CAST: variants seen among roughly 807,000 people sequenced by gnomAD.
The protein encoded by CAST is calpastatin.
In CAST, 76 loss-of-function variants were observed where a neutral mutation model predicts 119.6. That is an observed-to-expected ratio of 0.64 (90% confidence interval 0.53 to 0.77). CAST has a LOEUF of 0.77. Among genes scored for constraint, CAST ranks in the 30% least tolerant of loss-of-function variants. The probability of loss-of-function intolerance (pLI) is 0.00; values close to 1 mark genes in which losing one functional copy is unlikely to be tolerated. For missense variants in CAST, 953 were observed against 946.5 expected, an observed-to-expected ratio of 1.01 and a Z score of -0.09; for synonymous variants, 319 against 331.6, an observed-to-expected ratio of 0.96 and a Z score of 0.41.
chr5:96,519,643 G>A, the CAST span, among the ~76,000 whole-genome samples: 1 of 152,126 alleles, frequency 6.6e-6, no homozygotes. Flanking sequence ...GTCTCACTCT[G>A]TTGTCCAGGC....
the CAST span, among the ~76,000 whole-genome samples, chr5:96,220,882 G>A: frequency 7.9e-5 from 12 of 152,136 alleles, 1 homozygote; most frequent in African/African-American, 1.4e-4. Flanking sequence ...CCAACATTCC[G>A]TGATGCCCTT....
the CAST span, among the ~76,000 whole-genome samples, chr5:96,362,817 G>A: frequency 1.3e-5 from 2 of 152,006 alleles, no homozygotes; most frequent in Non-Finnish European, 1.5e-5. Context: ...TTCTTTTGCT[G>A]TGCAGAAGCT....
chr5:96,738,178 TGGGC>T (rs1762018466), intron 11 of CAST, among the ~76,000 whole-genome samples: 1 of 152,000 alleles, frequency 6.6e-6, no homozygotes, highest in African/African-American at 2.4e-5. Context: ...AAAAATTAGC[TGGGC>T]ATGGTGGTAC....
intron 2 of CAST, among the ~76,000 whole-genome samples, chr5:96,686,288 G>A (rs1392467657): frequency 6.6e-6 from 1 of 151,864 alleles, no homozygotes; most frequent in Non-Finnish European, 1.5e-5. Context: ...TTCCATCTCT[G>A]CCTCTAACCC....
intron 1 of CAST, among the ~76,000 whole-genome samples, chr5:96,611,369 T>A (rs1360380715): frequency 6.6e-6 from 1 of 152,186 alleles, no homozygotes; most frequent in Non-Finnish European, 1.5e-5. Context: ...AAGGACACCC[T>A]GTTCGACAAA....
At chr5:96,129,771 A>T in the CAST span, among the ~76,000 whole-genome samples, 1 of 152,130 alleles carries the variant, frequency 6.6e-6, no homozygotes, top group African/African-American at 2.4e-5. Flanking sequence ...TAAAAACATG[A>T]AATCATTTAG....
At chr5:96,749,998 C>T (rs1047019584) in intron 19 of CAST, among the ~76,000 whole-genome samples, 15 of 152,048 alleles carry the variant, frequency 9.9e-5, no homozygotes, top group African/African-American at 3.4e-4. Flanking sequence ...TCTAAGAATC[C>T]GCATTTCTAG....
intron 1 of CAST, among the ~76,000 whole-genome samples, chr5:96,575,466 T>G (rs1746652309): frequency 1.3e-5 from 2 of 152,180 alleles, no homozygotes; most frequent in Admixed American, 1.3e-4. Context: ...TGAACATCCT[T>G]GCCTTGTTAC....
intron 1 of CAST, among the ~76,000 whole-genome samples, chr5:96,653,627 T>C (rs1479430778): frequency 2.0e-5 from 3 of 152,218 alleles, no homozygotes; most frequent in Non-Finnish European, 4.4e-5. Flanking sequence ...AGGTAAATCA[T>C]AGATGAAATA....
chr5:96,740,620 G>T (rs1169015927), intron 12 of CAST, 125 bp from the exon 13 acceptor site: 17 of 716,522 alleles, frequency 2.4e-5, no homozygotes, highest in Non-Finnish European at 4.0e-5. Context: ...AGGTACTGGG[G>T]TTAAGACTTG....
the CAST span, chr5:95,961,542 C>T: frequency 6.5e-7 from 1 of 1,544,188 alleles, no homozygotes; most frequent in African/African-American, 1.4e-5. Context: ...CGCTCTGCCT[C>T]TCTGAGCCCA....
chr5:96,195,448 T>C, the CAST span, among the ~76,000 whole-genome samples: 1 of 152,234 alleles, frequency 6.6e-6, no homozygotes, highest in Non-Finnish European at 1.5e-5. Context: ...TCTGTTAAGT[T>C]GTCTGTAGCC....
chr5:96,520,577 C>CTG (rs142864656), upstream of CAST, among the ~76,000 whole-genome samples: 2 of 148,464 alleles, frequency 1.3e-5, no homozygotes, highest in African/African-American at 2.4e-5. Flanking sequence ...GTGTGTGTGT[C>CTG]TGTGTGTGTG....
chr5:96,604,155 C>T (rs1289832288), intron 1 of CAST, among the ~76,000 whole-genome samples: 5 of 152,100 alleles, frequency 3.3e-5, no homozygotes, highest in African/African-American at 7.2e-5. Flanking sequence ...ATCATGGCTA[C>T]GATATGGCTA....
At chr5:96,559,504 G>T (rs1203359674) in intron 1 of CAST, among the ~76,000 whole-genome samples, 2 of 150,598 alleles carry the variant, frequency 1.3e-5, no homozygotes. Flanking sequence ...AGCAACTTCA[G>T]CAAAGTCTCA....
the CAST span, among the ~76,000 whole-genome samples, chr5:96,458,935 AATT>A: frequency 6.6e-6 from 1 of 152,088 alleles, no homozygotes; most frequent in Admixed American, 6.5e-5. Flanking sequence ...TATTGCTTTT[AATT>A]ATTGATTACC....
chr5:96,769,492 G>A (rs1332305750), intron 29 of CAST: 2 of 151,506 alleles, frequency 1.3e-5, no homozygotes. Context: ...TATATTTGAG[G>A]TTTACAACAT....
chr5:95,970,770 C>T, the CAST span, among the ~76,000 whole-genome samples: 3 of 152,204 alleles, frequency 2.0e-5, no homozygotes, highest in Non-Finnish European at 4.4e-5. Context: ...GAACTGCTCT[C>T]TGTTTCTGAT....
chr5:96,025,178 T>G, the CAST span, among the ~76,000 whole-genome samples: 1 of 152,006 alleles, frequency 6.6e-6, no homozygotes, highest in Non-Finnish European at 1.5e-5. Context: ...GCTAGGGGGG[T>G]TTAAACTGCA....
Sources: allele counts gnomAD v4.1 joint callset (sites outside exome capture counted in the v4.1 genomes callset), GRCh38; gene constraint gnomAD v4.1.1; transcripts MANE v1.5; gene names NCBI Gene and HGNC (gene_info 2026-07-23, HGNC 2026-07-21).